Variants in TGS1 observed in about 807,000 individuals in gnomAD.
TGS1 encodes trimethylguanosine synthase 1, also known as trimethylguanosine synthase.
In TGS1, 69 loss-of-function variants were observed where a neutral mutation model predicts 92.2. The ratio of observed to expected loss-of-function variants is 0.75; its 90% CI spans 0.62 to 0.91. TGS1 has a LOEUF of 0.91. Ranked by LOEUF, TGS1 falls within the 40% of genes least tolerant of loss-of-function variation. TGS1 has a pLI of 0.00. For synonymous variants in TGS1, 345 were observed against 338.1 expected (o/e 1.02, Z -0.22); for missense variants, 1,062 against 1,001.2 (o/e 1.06, Z -0.82).
chr8:55,777,907 T>TAAA (rs1563448316), intron 1 of TGS1, among the ~76,000 whole-genome samples: 1 of 151,960 alleles, frequency 6.6e-6, no homozygotes, highest in Admixed American at 6.6e-5. Flanking sequence ...TTTAAATTTT[T>TAAA]TTTTTTTTTA....
At chr8:55,780,827 A>G (rs910968106) in intron 1 of TGS1, among the ~76,000 whole-genome samples, 1 of 152,200 alleles carries the variant, frequency 6.6e-6, no homozygotes, top group Non-Finnish European at 1.5e-5. Context: ...AACAGGTTAT[A>G]TTCCATTGCT....
intron 12 of TGS1, among the ~76,000 whole-genome samples, chr8:55,819,177 C>A (rs1585796503): frequency 6.6e-6 from 1 of 152,032 alleles, no homozygotes; most frequent in African/African-American, 2.4e-5. Flanking sequence ...CTAAAGCAAT[C>A]TTTCTACTTC....
chr8:55,795,666 G>A (rs186923550), intron 6 of TGS1, among the ~76,000 whole-genome samples: 62 of 152,148 alleles, frequency 4.1e-4, no homozygotes, highest in Non-Finnish European at 8.4e-4. Context: ...AAGGGGATAG[G>A]GTTTTCGTTT....
chr8:55,782,502 A>ATAG (rs1194991747), intron 1 of TGS1, among the ~76,000 whole-genome samples: 2 of 152,232 alleles, frequency 1.3e-5, no homozygotes, highest in Non-Finnish European at 2.9e-5. Flanking sequence ...ACTAGCAGTT[A>ATAG]TAGTAATAAA....
chr8:55,781,541 C>G (rs1811562874), intron 1 of TGS1, among the ~76,000 whole-genome samples: 1 of 152,216 alleles, frequency 6.6e-6, no homozygotes, highest in South Asian at 2.1e-4. Flanking sequence ...CCTGACACTT[C>G]AGTGCCTCAT....
In TGS1 at chr8:55,804,981, C is replaced by T. The variant is rs762100787; in HGVS notation, c.2088C>T (p.Asp696=). Residue 696 remains aspartate (D), a synonymous_variant, in exon 10 of 13, where the codon GAC becomes GAT. Coordinates refer to ENST00000260129, the MANE Select transcript of TGS1 (RefSeq NM_024831.8). ...SQSFKCDVVV[D]AFCGVGGNTI... The stretch of plus-strand genomic sequence containing the variant: ...CCTTCAAGTGTGACGTTGTAGTAGA[C>T]GCATTCTGTGGAGTTGGAGGAAATA... 18 of 1,613,758 alleles carry T rather than the reference C, an allele frequency of 1.1e-5. No individual in the cohort carries two copies. The highest frequency in any genetic ancestry group is 1.4e-5 in the Non-Finnish European group (16 of 1,179,952).
chr8:55,809,541 A>G (rs1036556669), intron 10 of TGS1, among the ~76,000 whole-genome samples: 5 of 151,604 alleles, frequency 3.3e-5, no homozygotes, highest in Admixed American at 6.6e-5. Context: ...GCTCACTGCA[A>G]TCTCCTCCTC....
intron 1 of TGS1, among the ~76,000 whole-genome samples, chr8:55,778,134 A>C (rs557562887): frequency 6.6e-6 from 1 of 152,190 alleles, no homozygotes; most frequent in South Asian, 2.1e-4. Context: ...TTAGCCAGGC[A>C]TGGTGGGGCA....
intron 2 of TGS1, among the ~76,000 whole-genome samples, chr8:55,783,685 A>G: frequency 6.6e-6 from 1 of 152,194 alleles, no homozygotes; most frequent in East Asian, 1.9e-4. Context: ...TCCTAGACAC[A>G]GAGAAAATTA....
At chr8:55,814,709 A>T (rs1415441734) in intron 12 of TGS1, among the ~76,000 whole-genome samples, 2 of 147,168 alleles carry the variant, frequency 1.4e-5, no homozygotes, top group Non-Finnish European at 3.0e-5. Context: ...GTACACACAC[A>T]TACACACAAA....
intron 8 of TGS1, among the ~76,000 whole-genome samples, chr8:55,799,558 G>A (rs910071472): frequency 6.6e-6 from 1 of 152,092 alleles, no homozygotes; most frequent in African/African-American, 2.4e-5. Context: ...TTCTTCGTAT[G>A]TGGTGTAGCT....
Position 55,773,606 on chromosome 8 carries a change from C to A in TGS1, c.-13C>A. 6.2e-7 allele frequency: 1 copy of A among 1,606,410 alleles called. No individual in the cohort carries two copies. The highest frequency in any genetic ancestry group is 8.5e-7 in the Non-Finnish European group (1 of 1,176,716). Reference sequence around the variant, plus strand: ...CGGGCTGCGTACGTCAGAGCTGCCTCCGAAGTGGTAAAATGTGCTGCGAGA... The same window carrying A: ...CGGGCTGCGTACGTCAGAGCTGCCTACGAAGTGGTAAAATGTGCTGCGAGA... On this transcript the variant is annotated 5_prime_UTR_variant, in exon 1 of 13. Coordinates refer to ENST00000260129, the MANE Select transcript of TGS1 (RefSeq NM_024831.8).
chr8:55,814,674 A>AAATATATATATATATAT (rs1254531524), intron 12 of TGS1, among the ~76,000 whole-genome samples: 3 of 123,352 alleles, frequency 2.4e-5, no homozygotes, highest in Non-Finnish European at 4.8e-5. Context: ...AAAAAAAAAA[A>AAATATATATATATATAT]ATATATATAT....
chr8:55,794,710 G>C (rs1047808072), intron 6 of TGS1, among the ~76,000 whole-genome samples: 1 of 152,188 alleles, frequency 6.6e-6, no homozygotes, highest in African/African-American at 2.4e-5. Context: ...AAGGAACATG[G>C]GTAGTTGTGT....
intron 8 of TGS1, among the ~76,000 whole-genome samples, chr8:55,799,589 T>C (rs1812163637): frequency 6.6e-6 from 1 of 152,164 alleles, no homozygotes; most frequent in African/African-American, 2.4e-5. Flanking sequence ...TCTTCCTTTT[T>C]TTGTGTGAGA....
At chr8:55,824,252 T>A (rs1000369140) in intron 12 of TGS1, among the ~76,000 whole-genome samples, 7 of 152,196 alleles carry the variant, frequency 4.6e-5, no homozygotes, top group Non-Finnish European at 8.8e-5. Context: ...AAAATAAAAA[T>A]TTTTAATAAA....
Position 55,798,560 on chromosome 8 carries a change from A to C in TGS1, c.1543-354A>C, listed in dbSNP as rs185280689. Among the ~76,000 whole-genome samples, 221 of 152,382 alleles carry C rather than the reference A, an allele frequency of 1.5e-3. 1 individual carries two copies. The highest frequency in any genetic ancestry group is 5.1e-3 in the African/African-American group (213 of 41,598). On this transcript the variant is annotated intron_variant, in intron 7 of 12. Coordinates refer to ENST00000260129, the MANE Select transcript of TGS1 (RefSeq NM_024831.8). ...GAAAAACTAAAATTAATGATTCAGT[A>C]GTAAGTAGGTACATTTGTAATGTAG... is the stretch of plus-strand genomic sequence containing the variant.
In TGS1 at chr8:55,805,089, A is replaced by G. The variant is rs1585781393; in HGVS notation, c.2143+53A>G. On this transcript the variant is annotated intron_variant, in intron 10 of 12. Transcript: ENST00000260129. The stretch of plus-strand genomic sequence containing the variant: ...ATTTTATGTCCAGTTAATTCAGTAA[A>G]TGTTTCCATTTTGCTACAGCCTATC... 5.2e-6 allele frequency: 8 copies of G among 1,531,110 alleles called. No homozygotes were observed. The East Asian group carries it at 1.8e-4, about 35-fold the overall frequency. The allele number at this position is 1,531,110 out of a possible 1,614,324, so 94.8% of individuals were successfully genotyped here.
chr8:55,775,583 A>G (rs1488674712), intron 1 of TGS1, among the ~76,000 whole-genome samples: 4 of 152,334 alleles, frequency 2.6e-5, no homozygotes, highest in South Asian at 2.1e-4. Flanking sequence ...TCACTGAGGT[A>G]GGGATCACTG....
Sources: gnomAD v4.1 joint callset for allele counts (sites outside exome capture counted in the v4.1 genomes callset) on GRCh38, gnomAD v4.1.1 for gene constraint, MANE v1.5 for transcripts, NCBI Gene and HGNC (gene_info 2026-07-23, HGNC 2026-07-21) for gene names.